The following SPMAP1 variants were observed in gnomAD, a reference collection of about 807,000 sequenced individuals.
SPMAP1 encodes sperm microtubule associated protein 1, also known as uncharacterized protein C17orf98.
At chr17:38,840,816 C>A in the SPMAP1 span, among the ~76,000 whole-genome samples, 2 of 150,568 alleles carry the variant, frequency 1.3e-5, no homozygotes, top group Non-Finnish European at 3.0e-5. Flanking sequence ...CAGGCTCACA[C>A]CTGTAACATG....
chr17:38,839,656 C>T, the SPMAP1 span, among the ~76,000 whole-genome samples: 8 of 151,480 alleles, frequency 5.3e-5, no homozygotes, highest in Non-Finnish European at 8.8e-5. Flanking sequence ...ATTAGACGGG[C>T]GGGCGTGGTG....
At chr17:38,837,297 G>A in the SPMAP1 span, 1 of 1,205,582 alleles carries the variant, frequency 8.3e-7, no homozygotes, top group Non-Finnish European at 1.2e-6. Context: ...TGCTGAGGGG[G>A]ACACAGTGCA....
chr17:38,835,448 T>TG, the SPMAP1 span: 1 of 1,240,408 alleles, frequency 8.1e-7, no homozygotes, highest in South Asian at 1.4e-5. Context: ...GCGTAGTCAC[T>TG]TGCATTCCCC....
chr17:38,840,485 C>T, the SPMAP1 span, among the ~76,000 whole-genome samples: 5 of 151,970 alleles, frequency 3.3e-5, no homozygotes, highest in Admixed American at 2.6e-4. Context: ...AGGGAGCTTG[C>T]GCTCAACACC....
At chr17:38,835,244 G>A in the SPMAP1 span, 1 of 1,614,230 alleles carries the variant, frequency 6.2e-7, no homozygotes, top group Admixed American at 1.7e-5. Context: ...CTGACGGAGG[G>A]CTGGAGTGTT....
the SPMAP1 span, among the ~76,000 whole-genome samples, chr17:38,836,442 A>C: frequency 6.6e-6 from 1 of 152,194 alleles, no homozygotes; most frequent in Non-Finnish European, 1.5e-5. Flanking sequence ...CTCCACAAAA[A>C]ATAAAAAATT....
chr17:38,841,395 C>A, the SPMAP1 span: 25 of 1,613,496 alleles, frequency 1.5e-5, no homozygotes, highest in Non-Finnish European at 1.9e-5. Context: ...GCCATCCCAA[C>A]CACCGTAGCC....
the SPMAP1 span, among the ~76,000 whole-genome samples, chr17:38,838,835 A>C: frequency 6.6e-6 from 1 of 152,094 alleles, no homozygotes; most frequent in Non-Finnish European, 1.5e-5. Flanking sequence ...CTGTAATCCC[A>C]GCACTTTGGG....
the SPMAP1 span, chr17:38,841,065 T>A: frequency 4.6e-6 from 3 of 654,064 alleles, no homozygotes; most frequent in African/African-American, 3.6e-5. Context: ...TAAATAAAAA[T>A]TTAAAAAAGA....
the SPMAP1 span, among the ~76,000 whole-genome samples, chr17:38,836,038 C>T: frequency 6.6e-6 from 1 of 152,030 alleles, no homozygotes; most frequent in African/African-American, 2.4e-5. Flanking sequence ...CCTCAGCCTC[C>T]TAAGTAGCTG....
At chr17:38,837,237 G>A in the SPMAP1 span, 2 of 1,610,904 alleles carry the variant, frequency 1.2e-6, no homozygotes, top group East Asian at 2.2e-5. Flanking sequence ...GTACCGCCAT[G>A]ATCCTGAAAG....
the SPMAP1 span, among the ~76,000 whole-genome samples, chr17:38,839,478 A>AAAAAAGAAAAG: frequency 6.7e-6 from 1 of 148,312 alleles, no homozygotes; most frequent in Non-Finnish European, 1.5e-5. Flanking sequence ...AAAAAAAAAA[A>AAAAAAGAAAAG]AAAAGAAAAG....
At chr17:38,839,479 AAAAGAAAAG>A in the SPMAP1 span, among the ~76,000 whole-genome samples, 14 of 148,572 alleles carry the variant, frequency 9.4e-5, no homozygotes, top group African/African-American at 2.5e-4. Context: ...AAAAAAAAAA[AAAAGAAAAG>A]AAAAGAAAAG....
At chr17:38,837,068 G>A in the SPMAP1 span, 1 of 1,000,818 alleles carries the variant, frequency 1.0e-6, no homozygotes, top group Non-Finnish European at 1.6e-6. Context: ...CAGTCCCTTT[G>A]CCTCTTCCCC....
At chr17:38,837,790 G>A in the SPMAP1 span, among the ~76,000 whole-genome samples, 1 of 152,156 alleles carries the variant, frequency 6.6e-6, no homozygotes, top group African/African-American at 2.4e-5. Flanking sequence ...AGACAGGCTG[G>A]GTTCTAACTC....
chr17:38,838,968 C>A, the SPMAP1 span, among the ~76,000 whole-genome samples: 2 of 150,932 alleles, frequency 1.3e-5, no homozygotes, highest in African/African-American at 4.9e-5. Context: ...CGCTTGTAAT[C>A]TCAGCTATTC....
the SPMAP1 span, chr17:38,835,186 C>T: frequency 6.2e-7 from 1 of 1,613,822 alleles, no homozygotes; most frequent in African/African-American, 1.3e-5. Flanking sequence ...GGAAAAGATG[C>T]TGTTAGAACA....
the SPMAP1 span, chr17:38,841,329 C>T: frequency 6.2e-7 from 1 of 1,614,148 alleles, no homozygotes; most frequent in East Asian, 2.2e-5. Flanking sequence ...GTGCTCACAG[C>T]CACCCCGTCC....
At chr17:38,836,585 CTTTTTTTTT>C in the SPMAP1 span, among the ~76,000 whole-genome samples, 1 of 58,428 alleles carries the variant, frequency 1.7e-5, no homozygotes, top group East Asian at 6.4e-4. Flanking sequence ...TTCTTTCTTT[CTTTTTTTTT>C]TTTTTTTTTT....
Sources: allele counts gnomAD v4.1 joint callset (sites outside exome capture counted in the v4.1 genomes callset), GRCh38; gene constraint gnomAD v4.1.1; transcripts MANE v1.5; gene names NCBI Gene and HGNC (gene_info 2026-07-23, HGNC 2026-07-21).